The following SNX29 variants were observed in gnomAD, a reference collection of about 807,000 sequenced individuals.
The protein encoded by SNX29 is sorting nexin 29, also known as sorting nexin-29.
SNX29 carries 78 observed loss-of-function variants against 102.1 expected under a neutral mutation model. That is an observed-to-expected ratio of 0.76 (90% CI 0.64 to 0.92). The LOEUF is 0.92. Among genes scored for constraint, SNX29 ranks in the 40% least tolerant of loss-of-function variants. The probability of loss-of-function intolerance (pLI) is 0.00; values close to 1 mark genes in which losing one functional copy is unlikely to be tolerated. For synonymous variants in SNX29, 580 were observed against 414.5 expected (o/e 1.40, Z -4.85); for missense variants, 1,280 against 1,061.7 (o/e 1.21, Z -2.86).
At chr16:12,413,473 G>A (rs1236042780) in intron 18 of SNX29, among the ~76,000 whole-genome samples, 2 of 152,050 alleles carry the variant, frequency 1.3e-5, no homozygotes, top group Non-Finnish European at 2.9e-5. Flanking sequence ...AGAGGCCTGA[G>A]GCTACAGAGA....
intron 18 of SNX29, among the ~76,000 whole-genome samples, chr16:12,444,653 G>C (rs1286169291): frequency 6.6e-6 from 1 of 152,112 alleles, no homozygotes; most frequent in Non-Finnish European, 1.5e-5. Context: ...GAACAAGGGA[G>C]AGCGTTTTTC....
chr16:12,363,039 C>A (rs553801873), intron 16 of SNX29, among the ~76,000 whole-genome samples: 45 of 152,188 alleles, frequency 3.0e-4, no homozygotes, highest in Non-Finnish European at 3.4e-4. Flanking sequence ...AGGACAGAGA[C>A]AGCCATTTAC....
intron 12 of SNX29, among the ~76,000 whole-genome samples, chr16:12,128,721 G>T (rs1388432437): frequency 6.6e-6 from 1 of 152,038 alleles, no homozygotes; most frequent in Non-Finnish European, 1.5e-5. Flanking sequence ...CCTAAGTGCT[G>T]GATTACAGGC....
chr16:12,290,126 T>G (rs1474546912), intron 15 of SNX29, among the ~76,000 whole-genome samples: 2 of 152,182 alleles, frequency 1.3e-5, no homozygotes, highest in African/African-American at 2.4e-5. Context: ...TTTTTCTGCT[T>G]AAAACTTACC....
At chr16:12,477,233 C>G (rs2087697214) in intron 18 of SNX29, among the ~76,000 whole-genome samples, 1 of 152,186 alleles carries the variant, frequency 6.6e-6, no homozygotes, top group Admixed American at 6.5e-5. Context: ...TCCCTTCTTT[C>G]TGAAACTGAA....
In SNX29 at chr16:12,146,721, A is replaced by T. The variant is rs201292732; in HGVS notation, c.1595+16963A>T. Among the ~76,000 whole-genome samples the T allele has an allele frequency of 3.9e-5, 6 of 152,198 alleles. No individual in the cohort carries two copies. In the East Asian group the frequency reaches 1.2e-3, roughly 29 times the overall value. ...GGTGAAGGTATCCTTGGCATGAATG[A>T]TTTCTCAGCTCGTTTTTCTTTTGGG... On this transcript the variant is annotated intron_variant, in intron 13 of 20. Coordinates refer to ENST00000566228, the MANE Select transcript of SNX29 (RefSeq NM_032167.5).
chr16:12,437,361 C>G (rs1452674019), intron 18 of SNX29, among the ~76,000 whole-genome samples: 1 of 152,228 alleles, frequency 6.6e-6, no homozygotes, highest in Non-Finnish European at 1.5e-5. Flanking sequence ...TGAGGCCCTG[C>G]CCACCGCATT....
At chr16:12,413,048 C>T (rs1050330355) in intron 18 of SNX29, among the ~76,000 whole-genome samples, 2 of 152,120 alleles carry the variant, frequency 1.3e-5, no homozygotes, top group African/African-American at 2.4e-5. Flanking sequence ...CATGTTGTCA[C>T]GTTTGCTCAT....
intron 18 of SNX29, among the ~76,000 whole-genome samples, chr16:12,427,994 C>T (rs147505186): frequency 1.4e-4 from 21 of 152,336 alleles, no homozygotes; most frequent in African/African-American, 5.1e-4. Context: ...CCTTTAAAGA[C>T]ACAGGAGATT....
chr16:12,333,365 A>T (rs557616827), intron 15 of SNX29, among the ~76,000 whole-genome samples: 1 of 148,908 alleles, frequency 6.7e-6, no homozygotes, highest in East Asian at 1.9e-4. Context: ...TCGGCCTCCC[A>T]AAGTGTTGGG....
intron 13 of SNX29, among the ~76,000 whole-genome samples, chr16:12,166,745 A>C (rs1027805623): frequency 2.6e-5 from 4 of 152,220 alleles, no homozygotes; most frequent in African/African-American, 9.6e-5. Flanking sequence ...AGCTTCAGGC[A>C]TCAGAGTTGG....
At chr16:12,070,112 A>AT (rs1356961489) in intron 10 of SNX29, among the ~76,000 whole-genome samples, 3 of 152,176 alleles carry the variant, frequency 2.0e-5, no homozygotes, top group Non-Finnish European at 4.4e-5. Context: ...TAAGCACTAT[A>AT]TAGGTTTTCT....
chr16:12,309,792 C>A (rs1217961840), intron 15 of SNX29, among the ~76,000 whole-genome samples: 2 of 152,216 alleles, frequency 1.3e-5, no homozygotes, highest in Non-Finnish European at 1.5e-5. Context: ...GAAGGGTTTC[C>A]TTTAGAAAGG....
intron 16 of SNX29, among the ~76,000 whole-genome samples, chr16:12,369,547 C>T (rs116799433): frequency 0.01 from 1,588 of 152,308 alleles, 29 homozygotes; most frequent in African/African-American, 0.037. Flanking sequence ...CTCTCCTGTA[C>T]ATGGTCAGGT....
intron 14 of SNX29, among the ~76,000 whole-genome samples, chr16:12,273,738 G>C (rs969652483): frequency 4.6e-5 from 7 of 152,148 alleles, no homozygotes; most frequent in Non-Finnish European, 1.0e-4. Context: ...CCCCAAAGAA[G>C]CCTGATACCC....
At chr16:12,191,626 A>G (rs1030896059) in intron 13 of SNX29, among the ~76,000 whole-genome samples, 1 of 152,242 alleles carries the variant, frequency 6.6e-6, no homozygotes, top group Non-Finnish European at 1.5e-5. Context: ...AACAGGCTAA[A>G]GGAGTTCTGA....
chr16:12,161,935 G>A (rs747123594), intron 13 of SNX29, among the ~76,000 whole-genome samples: 3 of 152,188 alleles, frequency 2.0e-5, no homozygotes, highest in Non-Finnish European at 4.4e-5. Flanking sequence ...CCCAGCCTCA[G>A]GTATTCCTGA....
intron 14 of SNX29, among the ~76,000 whole-genome samples, chr16:12,249,453 C>T (rs1207577867): frequency 6.6e-6 from 1 of 152,222 alleles, no homozygotes; most frequent in African/African-American, 2.4e-5. Flanking sequence ...CAGAGTAAGT[C>T]ACATGGCCAG....
chr16:12,050,768 A>G (rs373835737), intron 7 of SNX29, among the ~76,000 whole-genome samples: 145 of 152,122 alleles, frequency 9.5e-4, no homozygotes, highest in African/African-American at 3.2e-3. Flanking sequence ...CTGGAGTGCA[A>G]TGGCGCAATC....
Sources: gnomAD v4.1 joint callset for allele counts (sites outside exome capture counted in the v4.1 genomes callset) on GRCh38, gnomAD v4.1.1 for gene constraint, MANE v1.5 for transcripts, NCBI Gene and HGNC (gene_info 2026-07-23, HGNC 2026-07-21) for gene names.